The following MYH16 variants were observed in gnomAD, a reference collection of about 807,000 sequenced individuals.
MYH16 encodes putative uncharacterized protein MYH16.
At chr7:99,262,496 T>C (rs891143793) in intron 13 of MYH16, among the ~76,000 whole-genome samples, 4 of 152,192 alleles carry the variant, frequency 2.6e-5, no homozygotes, top group Non-Finnish European at 5.9e-5. Flanking sequence ...AGTTCCTTAT[T>C]TATAGCAATG....
At chr7:99,271,349 A>C (rs1037147166) in intron 19 of MYH16, among the ~76,000 whole-genome samples, 2 of 152,150 alleles carry the variant, frequency 1.3e-5, no homozygotes, top group African/African-American at 4.8e-5. Context: ...TCTCTACAAA[A>C]AATACAAAAA....
At chr7:99,242,108 A>G (rs575879539) in intron 1 of MYH16, among the ~76,000 whole-genome samples, 1 of 152,060 alleles carries the variant, frequency 6.6e-6, no homozygotes, top group Admixed American at 6.6e-5. Context: ...TGATCCACCC[A>G]CCTCGGCCTC....
At chr7:99,294,351 C>T (rs1792441008) in intron 33 of MYH16, among the ~76,000 whole-genome samples, 1 of 151,668 alleles carries the variant, frequency 6.6e-6, no homozygotes, top group Admixed American at 6.6e-5. Flanking sequence ...CGAGATCTAA[C>T]ATTCAACAAG....
intron 22 of MYH16, among the ~76,000 whole-genome samples, 165 bp downstream of exon 4, chr7:99,279,902 C>T (rs1043041212): frequency 2.6e-5 from 4 of 151,974 alleles, no homozygotes; most frequent in African/African-American, 4.8e-5. Flanking sequence ...GTCTCGCTCT[C>T]GCTGTGTCAC....
chr7:99,286,447 C>T (rs2150824095), exon 28 of MYH16: 1 of 152,582 alleles, frequency 6.6e-6, no homozygotes, highest in East Asian at 1.9e-4. Flanking sequence ...GGTGGAGAAA[C>T]AACGCAGTGA....
chr7:99,254,893 G>T (rs1363657717), intron 8 of MYH16, among the ~76,000 whole-genome samples: 1 of 152,180 alleles, frequency 6.6e-6, no homozygotes, highest in Non-Finnish European at 1.5e-5. Flanking sequence ...CCAGCACTTT[G>T]GGAGGCAAAG....
At chr7:99,291,475 T>C in intron 31 of MYH16, 25 bp downstream of exon 12, 1 of 455,866 alleles carries the variant, frequency 2.2e-6, no homozygotes. Flanking sequence ...GGGGTTGCGG[T>C]GGAGACAGAG....
At chr7:99,244,070 C>T (rs1344210374) in intron 2 of MYH16, among the ~76,000 whole-genome samples, 3 of 151,900 alleles carry the variant, frequency 2.0e-5, no homozygotes, top group Non-Finnish European at 4.4e-5. Flanking sequence ...TACGTCCAAA[C>T]ATCTATCCAT....
intron 20 of MYH16, among the ~76,000 whole-genome samples, chr7:99,273,645 G>C (rs550897693): frequency 6.6e-6 from 1 of 152,302 alleles, no homozygotes; most frequent in Non-Finnish European, 1.5e-5. Context: ...TGTAATCCCA[G>C]CCCTTTGGGA....
At chr7:99,306,176 G>A (rs1792676225) in intron 41 of MYH16, 140 bp downstream of exon 22, 1 of 152,268 alleles carries the variant, frequency 6.6e-6, no homozygotes, top group African/African-American at 2.4e-5. Flanking sequence ...CATGTCCATG[G>A]TGTCTCCTCC....
At chr7:99,298,861 C>T (rs1251315662) in intron 36 of MYH16, among the ~76,000 whole-genome samples, 1 of 151,752 alleles carries the variant, frequency 6.6e-6, no homozygotes, top group Non-Finnish European at 1.5e-5. Context: ...TGGTGCGCTG[C>T]ACCCACTAAC....
At chr7:99,305,970 C>T (rs572182576) in exon 41 of MYH16, 2 of 152,774 alleles carry the variant, frequency 1.3e-5, no homozygotes, top group African/African-American at 4.8e-5. Context: ...CCAATCAGCG[C>T]ATGCAGGCGC....
At chr7:99,241,769 G>A (rs1034526394) in intron 1 of MYH16, among the ~76,000 whole-genome samples, 1 of 152,046 alleles carries the variant, frequency 6.6e-6, no homozygotes, top group Non-Finnish European at 1.5e-5. Flanking sequence ...TCACATCTAA[G>A]GTTGCAGGCA....
intron 19 of MYH16, among the ~76,000 whole-genome samples, chr7:99,273,034 G>A (rs535684810): frequency 1.3e-5 from 2 of 152,290 alleles, no homozygotes; most frequent in East Asian, 3.9e-4. Context: ...GAGACTAATG[G>A]GTGATTTCTG....
intron 15 of MYH16, among the ~76,000 whole-genome samples, chr7:99,264,873 C>A (rs1285455155): frequency 1.3e-5 from 2 of 152,208 alleles, no homozygotes; most frequent in African/African-American, 2.4e-5. Context: ...CAAACCACGG[C>A]CCCTTGAGCA....
exon 21 of MYH16, chr7:99,277,563 C>T (rs911417935): frequency 4.4e-6 from 2 of 456,552 alleles, no homozygotes; most frequent in African/African-American, 2.0e-5. Flanking sequence ...GAATGTGGCT[C>T]GGCAAGAAGA....
At position 99,305,234 on chromosome 7, in the gene MYH16, G is replaced by A. The variant is rs1792664063; in HGVS notation, n.5434+478G>A. 4.0e-5 allele frequency among the ~76,000 whole-genome samples: 6 copies of A among 150,052 alleles called. No individual in the cohort carries two copies. The Admixed American group carries it at 4.0e-4, about 10-fold the overall frequency. The stretch of plus-strand genomic sequence containing the variant: ...GAAAGAAAGAAAGAAGGAAGGGAGG[G>A]AAAGAAAGAGAAAAGGAAATTGAGG... On this transcript the variant is annotated intron_variant and non_coding_transcript_variant, in intron 40 of 41. Transcript: ENST00000439784.
intron 19 of MYH16, 95 bp from the exon 2 acceptor site, chr7:99,273,247 T>C (rs1792069462): frequency 2.3e-6 from 1 of 441,166 alleles, no homozygotes. Flanking sequence ...AAGGTAGATC[T>C]GCTGGCTTCT....
exon 29 of MYH16, chr7:99,288,127 A>G (rs1329526625): frequency 2.2e-6 from 1 of 456,640 alleles, no homozygotes; most frequent in Non-Finnish European, 4.4e-6. Flanking sequence ...GAGACGATAC[A>G]GAAGTCCAAG....
Sources: allele counts gnomAD v4.1 joint callset (sites outside exome capture counted in the v4.1 genomes callset), GRCh38; gene constraint gnomAD v4.1.1; transcripts MANE v1.5; gene names NCBI Gene and HGNC (gene_info 2026-07-23, HGNC 2026-07-21).